The following SGO1 variants were observed in gnomAD, a reference collection of about 807,000 sequenced individuals.
The protein encoded by SGO1 is serologically defined breast cancer antigen NY-BR-85.
In SGO1, 39 loss-of-function variants were observed where a neutral mutation model predicts 50.5. The observed-to-expected ratio is 0.77, with a 90% CI of 0.60 to 1.01. SGO1 has a LOEUF of 1.01. Ranked by LOEUF, SGO1 falls within the 50% of genes least tolerant of loss-of-function variation. SGO1 has a pLI of 0.00. For missense variants in SGO1, 638 were observed against 606.0 expected, an observed-to-expected ratio of 1.05 and a Z score of -0.55; for synonymous variants, 191 against 205.1, an observed-to-expected ratio of 0.93 and a Z score of 0.59.
In SGO1 at chr3:20,170,653, A is replaced by T. The variant is rs1700616835; in HGVS notation, c.*51T>A. On this transcript the variant is annotated 3_prime_UTR_variant, in exon 8 of 8. Transcript: ENST00000412997. ...GTGTACTCTTACAGATCCTCTCCTG[A>T]AGCAACAGAAAGAGGTGTAGATTGA... 3 of 1,496,680 alleles carry T rather than the reference A, an allele frequency of 2.0e-6. No homozygotes were observed. The highest frequency in any genetic ancestry group is 2.7e-6 in the Non-Finnish European group (3 of 1,129,782). 92.7% of individuals were successfully genotyped at this position (1,496,680 alleles called of 1,614,324 possible). A position where few individuals can be genotyped will look rare whatever the true frequency, so the allele number is the denominator to read the frequency against.
rs1047250080 is a variant in SGO1 at position 20,170,341 on chromosome 3, T to C, written c.*363A>G. The C allele has an allele frequency of 2.7e-4, 205 of 763,132 alleles. 1 individual carries two copies. The highest frequency in any genetic ancestry group is 6.7e-5 in the Non-Finnish European group (42 of 628,410). The allele number at this position is 763,132 out of a possible 1,614,324, so 47.3% of individuals were successfully genotyped here. ...TGAACCTGGGAGGCGGAGGTTGCGG[T>C]AAGCTGAGATCGTGCCATTGCACTC... On this transcript the variant is annotated 3_prime_UTR_variant, in exon 8 of 8. Coordinates refer to ENST00000412997, the MANE Select transcript of SGO1 (RefSeq NM_001199251.3).
chr3:20,169,934 A>G lies in SGO1; in HGVS notation c.*770T>C, dbSNP rs1053478765. ...TACTCGAATACTACACAGAGTTTCA[A>G]AAGATCCACAATAATTTATTTTACT... On this transcript the variant is annotated 3_prime_UTR_variant, in exon 8 of 8. Coordinates refer to ENST00000412997, the MANE Select transcript of SGO1 (RefSeq NM_001199251.3). 6.1e-6 allele frequency: 6 copies of G among 983,536 alleles called. No homozygotes were observed. Among genetic ancestry groups the G allele is most frequent in the Non-Finnish European group, 7.2e-6 (6 of 828,280 alleles). 60.9% of individuals were successfully genotyped at this position (983,536 alleles called of 1,614,324 possible). A position where few individuals can be genotyped will look rare whatever the true frequency, so the allele number is the denominator to read the frequency against.
intron 5 of SGO1, 146 bp downstream of exon 5, chr3:20,176,455 A>C: frequency 5.3e-6 from 3 of 569,290 alleles, no homozygotes; most frequent in African/African-American, 1.9e-5. Flanking sequence ...CTCTGTGTAA[A>C]ATAAACAGAT....
At chr3:20,168,160 C>T (rs1413306896), downstream of SGO1, among the ~76,000 whole-genome samples, 2 of 152,100 alleles carry the variant, frequency 1.3e-5, no homozygotes, top group African/African-American at 4.8e-5. Flanking sequence ...AACAATTCAA[C>T]ACTGATTTTA....
rs143768051 is a variant in SGO1 at position 20,183,998 on chromosome 3, G to T, written c.30C>A (p.Ser10=). 8.7e-4 allele frequency: 1,386 copies of T among 1,588,918 alleles called. 27 individuals carry two copies. The South Asian group carries it at 0.015, about 17-fold the overall frequency. The change falls in exon 2 of 8, where the codon TCC becomes TCA. Residue 10 remains serine (S), a synonymous_variant. Coordinates refer to ENST00000412997, the MANE Select transcript of SGO1 (RefSeq NM_001199251.3). ...TTATGTCTTCAAGACTATCTTGAAA[G>T]GACTTTTTCAGGCATCTTTCCTTGG... MAKERCLKK[S]FQDSLEDIKK... is the part of the protein sequence containing the mutation.
At chr3:20,165,631 G>A (rs1194597610), downstream of SGO1, among the ~76,000 whole-genome samples, 1 of 152,100 alleles carries the variant, frequency 6.6e-6, no homozygotes, top group African/African-American at 2.4e-5. Context: ...ACCCTCAACA[G>A]GTGCAATTTG....
At chr3:20,184,158 G>A in intron 1 of SGO1, 124 bp from the exon 2 acceptor site, 1 of 614,212 alleles carries the variant, frequency 1.6e-6, no homozygotes, top group Non-Finnish European at 2.5e-6. Flanking sequence ...AAAGTAGATA[G>A]TTAACCAACT....
At chr3:20,185,611 G>A (rs543963402) in intron 1 of SGO1, among the ~76,000 whole-genome samples, 78 of 152,298 alleles carry the variant, frequency 5.1e-4, no homozygotes, top group African/African-American at 1.8e-3. Context: ...GCCTCTCCAG[G>A]GTAAGTGAGG....
Position 20,183,879 on chromosome 3 carries a change from C to A in SGO1, c.142+7G>T, listed in dbSNP as rs1156561454. 6.2e-7 allele frequency: 1 copy of A among 1,604,748 alleles called. No homozygotes were observed. Among genetic ancestry groups the A allele is most frequent in the Admixed American group, 1.7e-5 (1 of 57,342 alleles). ...TGATATAAAAGGACAACATAAAAAT[C>A]TCTTACTGATTATTTGGCATGGTGC... On this transcript the variant is annotated splice_region_variant and intron_variant, in intron 2 of 7. Transcript: ENST00000412997.
chr3:20,181,067 A>G (rs891674895), intron 3 of SGO1, among the ~76,000 whole-genome samples: 1 of 152,070 alleles, frequency 6.6e-6, no homozygotes, highest in Non-Finnish European at 1.5e-5. Context: ...GTGAAGGCTG[A>G]GTGTGCTTGA....
At position 20,174,374 on chromosome 3, in the gene SGO1, C is replaced by T; in HGVS notation, c.1157G>A (p.Cys386Tyr). The T allele has an allele frequency of 6.2e-7, 1 of 1,614,140 alleles. No individual in the cohort carries two copies. ...DDSDDLYLPT[C>Y]KYIQNPTSNS... The stretch of plus-strand genomic sequence containing the variant: ...GCTCGTGGGATTCTGAATGTACTTG[C>T]AAGTGGGCAAATAGAGGTCATCGGA... The change falls in exon 6 of 8, where the codon TGC (cysteine) becomes TAC (tyrosine). Residue 386 changes from cysteine (C) to tyrosine (Y), a missense_variant. Transcript: ENST00000412997.
intron 4 of SGO1, 134 bp from the exon 5 acceptor site, chr3:20,176,793 T>C (rs1327903228): frequency 1.8e-6 from 1 of 571,316 alleles, no homozygotes. Context: ...ACATCTATTC[T>C]GTATCAAAGG....
rs1259252438 is a variant in SGO1, at chr3:20,174,875, T to G, written c.656A>C (p.Lys219Thr). 1 of 1,614,050 alleles carries G rather than the reference T, an allele frequency of 6.2e-7. No individual in the cohort carries two copies. Among genetic ancestry groups the G allele is most frequent in the East Asian group, 2.2e-5 (1 of 44,842 alleles). ...DDFETSHLAG[K>T]SFEFERVGFL... Reference sequence around the variant, plus strand: ...TCCAACTCTTTCGAATTCAAAAGACTTCCCTGCCAAATGACTGGTTTCAAA... The same window carrying G: ...TCCAACTCTTTCGAATTCAAAAGACGTCCCTGCCAAATGACTGGTTTCAAA... Residue 219 changes from lysine (K) to threonine (T), a missense_variant, in exon 6 of 8, where the codon AAG becomes ACG. Coordinates refer to ENST00000412997, the MANE Select transcript of SGO1 (RefSeq NM_001199251.3).
chr3:20,166,887 G>C (rs1700335051), downstream of SGO1, among the ~76,000 whole-genome samples: 1 of 149,402 alleles, frequency 6.7e-6, no homozygotes, highest in Non-Finnish European at 1.5e-5. Context: ...GCCAGGTGCA[G>C]TGGTGCAAGC....
intron 8 of SGO1, chr3:20,161,371 A>G: frequency 7.7e-7 from 1 of 1,298,220 alleles, no homozygotes; most frequent in Non-Finnish European, 1.0e-6. Flanking sequence ...ATCAAAAGTC[A>G]GCAGATACAA....
intron 6 of SGO1, among the ~76,000 whole-genome samples, chr3:20,172,903 C>T (rs1700926865): frequency 6.6e-6 from 1 of 151,776 alleles, no homozygotes. Flanking sequence ...GAGGTTGAGA[C>T]TGCAGTGAGC....
rs769210904 is a variant in SGO1, at chr3:20,170,797, GT to G, written c.1490del (p.Asp497AlafsTer9). 5.0e-6 allele frequency: 8 copies of G among 1,593,932 alleles called. No individual in the cohort carries two copies. The highest frequency in any genetic ancestry group is 8.5e-7 in the Non-Finnish European group (1 of 1,175,006). On this transcript the variant is annotated frameshift_variant, in exon 8 of 8. Transcript: ENST00000412997. LOFTEE classifies it high-confidence loss of function. The part of the protein sequence containing the change: ...PTLASKLRRG[D>X]PFTDLCFLNS... ...TCAAAAAACACAAATCTGTAAAAGG[GT>G]CCCCTCTTCTCAGTTTCCTGTAAGA...
chr3:20,166,249 G>A (rs1417740673), downstream of SGO1, among the ~76,000 whole-genome samples: 2 of 152,064 alleles, frequency 1.3e-5, no homozygotes, highest in African/African-American at 4.8e-5. Context: ...TATCTGATAA[G>A]GGACTAATAT....
upstream of SGO1, chr3:20,186,780 G>A (rs1702697556): frequency 6.6e-6 from 1 of 152,160 alleles, no homozygotes; most frequent in Non-Finnish European, 1.5e-5. Flanking sequence ...CCGACTAGAA[G>A]CCTGAGAAAT....
Sources: gnomAD v4.1 joint callset for allele counts (sites outside exome capture counted in the v4.1 genomes callset) on GRCh38, gnomAD v4.1.1 for gene constraint, MANE v1.5 for transcripts, NCBI Gene and HGNC (gene_info 2026-07-23, HGNC 2026-07-21) for gene names.